PTPRF: variants seen among roughly 807,000 people sequenced by gnomAD.
The protein encoded by PTPRF is protein tyrosine phosphatase receptor type F.
PTPRF carries 59 observed loss-of-function variants against 201.8 expected under a neutral mutation model. That is an observed-to-expected ratio of 0.29 (90% CI 0.24 to 0.36). The LOEUF is 0.36. Among genes scored for constraint, PTPRF ranks in the 10% least tolerant of loss-of-function variants. The pLI is 1.00. For missense variants in PTPRF, 2,132 were observed against 2,690.5 expected (o/e 0.79, Z 4.59); for synonymous variants, 1,088 against 1,089.7 (o/e 1.00, Z 0.03).
chr1:43,606,948 C>T lies in PTPRF; in HGVS notation c.3837C>T (p.Ile1279=), dbSNP rs148192940. ...TCATCCTCATCATCCTCATTGTCAT[C>T]GCCATCCTCTTGTTCAAAAGGTGAG... ...LAVILIILIV[I]AILLFKRKRT... Residue 1279 remains isoleucine (I), a synonymous_variant, in exon 21 of 34, where the codon ATC becomes ATT. Coordinates refer to ENST00000359947, the MANE Select transcript of PTPRF (RefSeq NM_002840.5). 64 of 1,614,126 alleles carry T rather than the reference C, an allele frequency of 4.0e-5. No individual in the cohort carries two copies. Among genetic ancestry groups the T allele is most frequent in the African/African-American group, 3.9e-4 (29 of 75,056 alleles).
rs537977574 is a variant in PTPRF, at chr1:43,554,989, A to G, written c.379+1048A>G. On this transcript the variant is annotated intron_variant, in intron 5 of 33. Coordinates refer to ENST00000359947, the MANE Select transcript of PTPRF (RefSeq NM_002840.5). The surrounding 1 kb of genome is among the most constrained non-coding windows in gnomAD (Gnocchi z 4.1). ...CTGCCCGGCCTCCCAAGTAGCTGGG[A>G]TTACAGGCATGCGCCACCATGCCTG... Among the ~76,000 whole-genome samples, 182 of 151,360 alleles carry G rather than the reference A, an allele frequency of 1.2e-3. No individual in the cohort carries two copies. Among genetic ancestry groups the G allele is most frequent in the South Asian group, 9.2e-3 (44 of 4,780 alleles).
Position 43,619,182 on chromosome 1 carries a change from G to A in PTPRF, c.4626G>A (p.Gly1542=), listed in dbSNP as rs1156482918. Residue 1542 remains glycine (G), a synonymous_variant, in exon 27 of 34, where the codon GGG becomes GGA. Coordinates refer to ENST00000359947, the MANE Select transcript of PTPRF (RefSeq NM_002840.5). ...AGGCCTGCAACCCCCTAGACGCAGG[G>A]CCCATGGTGGTGCACTGCAGGTGAG... ...RVKACNPLDA[G]PMVVHCSAGV... is the part of the protein sequence containing the mutation. 7.2e-7 allele frequency: 1 copy of A among 1,394,802 alleles called. No individual in the cohort carries two copies. The allele number at this position is 1,394,802 out of a possible 1,614,324, so 86.4% of individuals were successfully genotyped here.
intron 8 of PTPRF, among the ~76,000 whole-genome samples, chr1:43,589,449 G>A (rs539439857): frequency 2.0e-5 from 3 of 152,018 alleles, no homozygotes; most frequent in Admixed American, 2.0e-4. Context: ...CAGACCTTCA[G>A]GTTTAATAGC....
chr1:43,577,439 T>C (rs1334714085), intron 6 of PTPRF, among the ~76,000 whole-genome samples: 1 of 152,162 alleles, frequency 6.6e-6, no homozygotes, highest in Non-Finnish European at 1.5e-5. Context: ...TCCTGTGTCC[T>C]GCATTGGTGG....
intron 5 of PTPRF, among the ~76,000 whole-genome samples, chr1:43,559,291 G>A (rs1645619826): frequency 6.6e-6 from 1 of 152,120 alleles, no homozygotes; most frequent in African/African-American, 2.4e-5. Context: ...TGTGCAGGAG[G>A]CACTGCATGC....
chr1:43,566,567 T>C (rs1480542125), intron 5 of PTPRF, among the ~76,000 whole-genome samples: 2 of 152,164 alleles, frequency 1.3e-5, no homozygotes, highest in South Asian at 2.1e-4. Flanking sequence ...GTCTGGCTGA[T>C]AGATCAGTTT....
At chr1:43,575,682 C>T (rs1019187211) in intron 6 of PTPRF, among the ~76,000 whole-genome samples, 4 of 152,048 alleles carry the variant, frequency 2.6e-5, no homozygotes, top group African/African-American at 9.7e-5. Flanking sequence ...CCCTCCTCCT[C>T]CCCAGAGCAG....
upstream of PTPRF, among the ~76,000 whole-genome samples, chr1:43,524,541 A>C (rs1643042272): frequency 6.6e-6 from 1 of 152,112 alleles, no homozygotes; most frequent in Non-Finnish European, 1.5e-5. Flanking sequence ...AATGGAGGAG[A>C]AAGTAAGCAT....
In PTPRF at chr1:43,545,100, A is replaced by T. The variant is rs1379181132; in HGVS notation, c.25A>T (p.Arg9Trp). The stretch of plus-strand genomic sequence containing the variant: ...GATGGCCCCTGAGCCAGCCCCAGGG[A>T]GGACGATGGTGCCCCTTGTGCCTGC... Reference protein sequence around the residue: MAPEPAPGRTMVPLVPALV... With the variant: MAPEPAPGWTMVPLVPALV... Residue 9 changes from arginine to tryptophan, a missense_variant, in exon 3 of 34, where the codon AGG becomes TGG. Physicochemically the swap from Arg to Trp is moderately radical, Grantham distance 101. Transcript: ENST00000359947. The T allele has an allele frequency of 5.7e-6, 9 of 1,586,102 alleles. No homozygotes were observed. Among genetic ancestry groups the T allele is most frequent in the Non-Finnish European group, 6.9e-6 (8 of 1,165,860 alleles).
Position 43,588,828 on chromosome 1 carries a change from C to T in PTPRF, c.777C>T (p.Pro259=). 2 of 1,614,110 alleles carry T rather than the reference C, an allele frequency of 1.2e-6. No homozygotes were observed. Among genetic ancestry groups the T allele is most frequent in the South Asian group, 1.1e-5 (1 of 91,088 alleles). The stretch of plus-strand genomic sequence containing the variant: ...TGACATGCGTGGCAGTGGGTGCACC[C>T]ATGCCCTACGTGAAGTGGATGATGG... ...VNLTCVAVGA[P]MPYVKWMMGA... Residue 259 remains proline, a synonymous_variant, in exon 8 of 34, where the codon CCC becomes CCT. Coordinates refer to ENST00000359947, the MANE Select transcript of PTPRF (RefSeq NM_002840.5). The surrounding 1 kb of genome is among the most constrained non-coding windows in gnomAD (Gnocchi z 5.3).
At chr1:43,575,578 C>T (rs561025739) in intron 6 of PTPRF, among the ~76,000 whole-genome samples, 55 of 152,214 alleles carry the variant, frequency 3.6e-4, no homozygotes, top group Non-Finnish European at 4.7e-4. Context: ...TACCTCTTTT[C>T]TTCACCTTCC....
At position 43,603,925 on chromosome 1, in the gene PTPRF, A is replaced by T. The variant is rs1202491441; in HGVS notation, c.2773A>T (p.Thr925Ser). 1.2e-6 allele frequency: 2 copies of T among 1,614,052 alleles called. No individual in the cohort carries two copies. The highest frequency in any genetic ancestry group is 3.3e-5 in the Admixed American group (2 of 60,028). Reference sequence around the variant, plus strand: ...CGGCTTCCCCCAAAACCTGCATGTGACAGGACTGACCACGTCTACCACAGA... The same window carrying T: ...CGGCTTCCCCCAAAACCTGCATGTGTCAGGACTGACCACGTCTACCACAGA... ...PSGFPQNLHV[T>S]GLTTSTTELA... Residue 925 changes from threonine to serine, a missense_variant, in exon 16 of 34, where the codon ACA (threonine) becomes TCA (serine). Physicochemically the swap from Thr to Ser is moderately conservative, Grantham distance 58. Coordinates refer to ENST00000359947, the MANE Select transcript of PTPRF (RefSeq NM_002840.5). This position sits in a 1 kb window ranked among gnomAD's most constrained non-coding sequence, Gnocchi z 5.8.
In PTPRF at chr1:43,621,196, C is replaced by T; in HGVS notation, c.5619C>T (p.Thr1873=). The change falls in exon 33 of 34, where the codon ACC becomes ACT. Residue 1873 remains threonine, a synonymous_variant. Coordinates refer to ENST00000359947, the MANE Select transcript of PTPRF (RefSeq NM_002840.5). The stretch of plus-strand genomic sequence containing the variant: ...TCGACATGTTTCAGACCGTGAAGAC[C>T]CTGCGTACACAGCGTCCTGCCATGG... ...GVVDMFQTVK[T]LRTQRPAMVQ... is the part of the protein sequence containing the mutation. 6.2e-7 allele frequency: 1 copy of T among 1,614,152 alleles called. No homozygotes were observed. The highest frequency in any genetic ancestry group is 8.5e-7 in the Non-Finnish European group (1 of 1,179,992).
At chr1:43,574,720 C>T (rs998078495) in intron 6 of PTPRF, among the ~76,000 whole-genome samples, 9 of 152,206 alleles carry the variant, frequency 5.9e-5, no homozygotes, top group East Asian at 1.9e-4. Flanking sequence ...AATCATTGTG[C>T]GGATTCTTCC....
At position 43,606,389 on chromosome 1, in the gene PTPRF, C is replaced by T. The variant is rs878873090; in HGVS notation, c.3633C>T (p.Asn1211=). The T allele has an allele frequency of 1.2e-6, 2 of 1,614,210 alleles. No homozygotes were observed. Among genetic ancestry groups the T allele is most frequent in the Admixed American group, 1.7e-5 (1 of 60,028 alleles). Reference sequence around the variant, plus strand: ...AGAAGAACTACCGGGGCTTCTACAACCGGCCCCTGTCTCCGGACTTGAGCT... The same window carrying T: ...AGAAGAACTACCGGGGCTTCTACAATCGGCCCCTGTCTCCGGACTTGAGCT... ...GDKKNYRGFY[N]RPLSPDLSYQ... Residue 1211 remains asparagine (N), a synonymous_variant, in exon 20 of 34, where the codon AAC becomes AAT. Coordinates refer to ENST00000359947, the MANE Select transcript of PTPRF (RefSeq NM_002840.5).
At chr1:43,576,798 T>G (rs1646958865) in intron 6 of PTPRF, among the ~76,000 whole-genome samples, 1 of 152,202 alleles carries the variant, frequency 6.6e-6, no homozygotes, top group Admixed American at 6.5e-5. Flanking sequence ...TTCACATCAT[T>G]TTCTCTCCAG....
Position 43,603,666 on chromosome 1 carries a change from C to G in PTPRF, c.2514C>G (p.Leu838=). 1 of 1,613,644 alleles carries G rather than the reference C, an allele frequency of 6.2e-7. No homozygotes were observed. Among genetic ancestry groups the G allele is most frequent in the South Asian group, 1.1e-5 (1 of 91,064 alleles). The change falls in exon 16 of 34, where the codon CTC becomes CTG. Residue 838 remains leucine, a synonymous_variant. Coordinates refer to ENST00000359947, the MANE Select transcript of PTPRF (RefSeq NM_002840.5). The surrounding 1 kb of genome is among the most constrained non-coding windows in gnomAD (Gnocchi z 5.8). The part of the protein sequence containing the change: ...ISTTAMNTAL[L]QWHPPKELPG... ...CCACGGCCATGAACACTGCGCTGCTCCAGTGGCACCCACCCAAGGAACTGC... is the reference window on the plus strand; with the variant it reads ...CCACGGCCATGAACACTGCGCTGCTGCAGTGGCACCCACCCAAGGAACTGC...
In PTPRF at chr1:43,553,460, C is replaced by A. The variant is rs1645157191; in HGVS notation, c.92-32C>A. On this transcript the variant is annotated intron_variant, in intron 3 of 33. Transcript: ENST00000359947. This position sits in a 1 kb window ranked among gnomAD's most constrained non-coding sequence, Gnocchi z 4.1. ...ACTGGCCATTCCTATAGTGACTGTGCTGTGGTGACTTGGTGTCTCCATCTC... is the reference window on the plus strand; with the variant it reads ...ACTGGCCATTCCTATAGTGACTGTGATGTGGTGACTTGGTGTCTCCATCTC... 1 of 1,605,766 alleles carries A rather than the reference C, an allele frequency of 6.2e-7. No individual in the cohort carries two copies. Among genetic ancestry groups the A allele is most frequent in the South Asian group, 1.1e-5 (1 of 90,346 alleles).
In PTPRF at chr1:43,591,275, G is replaced by A. The variant is rs372477577; in HGVS notation, c.1253G>A (p.Arg418His). 134 of 1,558,118 alleles carry A rather than the reference G, an allele frequency of 8.6e-5. No individual in the cohort carries two copies. Among genetic ancestry groups the A allele is most frequent in the Non-Finnish European group, 7.8e-5 (90 of 1,153,514 alleles). The change falls in exon 9 of 34, where the codon CGC (arginine) becomes CAC (histidine). Residue 418 changes from arginine (R) to histidine (H), a missense_variant. Physicochemically the swap from Arg to His is conservative, Grantham distance 29. Transcript: ENST00000359947. Reference sequence around the variant, plus strand: ...GAACAGGCGCCCTCCAGCCCACCGCGCCGCGTGCAGGCACGCATGCTGAGC... The same window carrying A: ...GAACAGGCGCCCTCCAGCCCACCGCACCGCGTGCAGGCACGCATGCTGAGC... ...TGEQAPSSPP[R>H]RVQARMLSAS...
Sources: allele counts gnomAD v4.1 joint callset (sites outside exome capture counted in the v4.1 genomes callset), GRCh38; gene constraint gnomAD v4.1.1; non-coding constraint Gnocchi (gnomAD v3.1); transcripts MANE v1.5; gene names NCBI Gene and HGNC (gene_info 2026-07-23, HGNC 2026-07-21).